AXL: variants seen among roughly 807,000 people sequenced by gnomAD.
AXL encodes the protein tyrosine-protein kinase receptor UFO.
AXL carries 52 observed loss-of-function variants against 104.5 expected under a neutral mutation model. That is an observed-to-expected ratio of 0.50 (90% confidence interval 0.40 to 0.63). The LOEUF (loss-of-function observed/expected upper bound fraction) is 0.63. Ranked by LOEUF, AXL falls within the 20% of genes least tolerant of loss-of-function variation. The probability of loss-of-function intolerance (pLI) is 0.00; values close to 1 mark genes in which losing one functional copy is unlikely to be tolerated. For missense variants in AXL, 1,024 were observed against 1,188.5 expected (o/e 0.86, Z 2.04); for synonymous variants, 455 against 473.7 (o/e 0.96, Z 0.51).
At position 41,231,858 on chromosome 19, in the gene AXL, C is replaced by T. The variant is rs1054433099; in HGVS notation, c.783+560C>T. Among the ~76,000 whole-genome samples, 15 of 149,904 alleles carry T rather than the reference C, an allele frequency of 1.0e-4. 1 individual carries two copies. Among genetic ancestry groups the T allele is most frequent in the Admixed American group, 9.4e-4 (14 of 14,928 alleles). On this transcript the variant is annotated intron_variant, in intron 6 of 19. Transcript: ENST00000301178. ...AGGAGAATTGCTTGAACCTGGGAGG[C>T]GGAGGTTGCAGTGAGCCAAGATCGT... is the stretch of plus-strand genomic sequence containing the variant.
intron 7 of AXL, 146 bp from the exon 8 acceptor site, chr19:41,238,324 T>G: frequency 1.4e-6 from 2 of 1,466,134 alleles, no homozygotes; most frequent in Non-Finnish European, 9.3e-7. Context: ...CTCCCAGCCC[T>G]TCTCTCCCCT....
Position 41,261,341 on chromosome 19 carries a change from T to G in AXL, c.*1437T>G, listed in dbSNP as rs1335100332. Reference sequence around the variant, plus strand: ...TTTCTAATGTTGGACACCTTTAGGTTCTTTGCTGCATTCTGCCTCTCTAGG... The same window carrying G: ...TTTCTAATGTTGGACACCTTTAGGTGCTTTGCTGCATTCTGCCTCTCTAGG... On this transcript the variant is annotated 3_prime_UTR_variant, in exon 20 of 20. Coordinates refer to ENST00000301178, the MANE Select transcript of AXL (RefSeq NM_021913.5). 2 of 152,658 alleles carry G rather than the reference T, an allele frequency of 1.3e-5. No individual in the cohort carries two copies. Among genetic ancestry groups the G allele is most frequent in the African/African-American group, 4.8e-5 (2 of 41,446 alleles). The allele number at this position is 152,658 out of a possible 1,614,324, so 9.5% of individuals were successfully genotyped here.
Position 41,259,890 on chromosome 19 carries a change from G to A in AXL, c.2671G>A (p.Glu891Lys). 1 of 1,580,228 alleles carries A rather than the reference G, an allele frequency of 6.3e-7. No individual in the cohort carries two copies. Among genetic ancestry groups the A allele is most frequent in the East Asian group, 2.2e-5 (1 of 44,462 alleles). Residue 891 changes from glutamate to lysine, a missense_variant, in exon 20 of 20, where the codon GAG becomes AAG. By Grantham distance (56) the Glu-to-Lys change is moderately conservative. Coordinates refer to ENST00000301178, the MANE Select transcript of AXL (RefSeq NM_021913.5). ...GGGCTCCCCAGCAGCCCCAGGGCAGGAGGATGGTGCCTGAGACAACCCTCC... is the reference window on the plus strand; with the variant it reads ...GGGCTCCCCAGCAGCCCCAGGGCAGAAGGATGGTGCCTGAGACAACCCTCC... ...DRGSPAAPGQEDGA is the reference protein window; with the variant it reads ...DRGSPAAPGQKDGA
intron 6 of AXL, among the ~76,000 whole-genome samples, chr19:41,236,522 T>C (rs2034082349): frequency 6.6e-6 from 1 of 151,708 alleles, no homozygotes. Flanking sequence ...GGCTCACACC[T>C]GTAATCCCAG....
intron 5 of AXL, 48 bp downstream of exon 5, chr19:41,231,095 GGGT>G (rs2033979231): frequency 6.2e-7 from 1 of 1,612,066 alleles, no homozygotes; most frequent in Admixed American, 1.7e-5. Flanking sequence ...GGTGGGGTTT[GGGT>G]CCGGGGTCAG....
chr19:41,239,428 C>G, intron 9 of AXL, 114 bp downstream of exon 9: 1 of 1,438,314 alleles, frequency 7.0e-7, no homozygotes, highest in Non-Finnish European at 9.4e-7. Context: ...CTACCCTGAG[C>G]CTTACTGAGA....
intron 15 of AXL, 124 bp from the exon 16 acceptor site, chr19:41,252,721 AC>A: frequency 1.3e-6 from 2 of 1,510,580 alleles, no homozygotes; most frequent in East Asian, 2.3e-5. Context: ...CACTGCCACT[AC>A]CCCCAAACAA....
intron 10 of AXL, 98 bp downstream of exon 10, chr19:41,239,818 C>A: frequency 6.6e-7 from 1 of 1,511,862 alleles, no homozygotes; most frequent in Non-Finnish European, 9.2e-7. Flanking sequence ...TTTCATGTTT[C>A]TCTAACTCAT....
intron 12 of AXL, among the ~76,000 whole-genome samples, chr19:41,247,672 C>T (rs778134062): frequency 6.6e-6 from 1 of 151,154 alleles, no homozygotes; most frequent in Non-Finnish European, 1.5e-5. Context: ...GCAGCCTCCA[C>T]CCCTGGGCTC....
intron 3 of AXL, 199 bp downstream of exon 3, chr19:41,221,445 T>C: frequency 1.8e-6 from 1 of 557,896 alleles, no homozygotes; most frequent in South Asian, 2.4e-5. Flanking sequence ...GTGCCAAGGC[T>C]GGGGGATTAT....
intron 17 of AXL, among the ~76,000 whole-genome samples, chr19:41,256,080 GGT>G (rs71177704): frequency 3.1e-4 from 47 of 150,520 alleles, no homozygotes; most frequent in African/African-American, 9.0e-4. Flanking sequence ...TGGTTACATG[GGT>G]GTGTGTGTGT....
chr19:41,256,833 A>G (rs1042311139), intron 18 of AXL, among the ~76,000 whole-genome samples: 4 of 152,196 alleles, frequency 2.6e-5, no homozygotes, highest in Non-Finnish European at 5.9e-5. Context: ...TGTGCATGGT[A>G]GCAATGTAGA....
At chr19:41,226,910 G>C in intron 4 of AXL, 1 of 539,766 alleles carries the variant, frequency 1.9e-6, no homozygotes, top group Non-Finnish European at 2.4e-6. Context: ...CCTGGGCAAC[G>C]TGGTGAGACT....
chr19:41,238,032 C>G lies in AXL; in HGVS notation c.872C>G (p.Pro291Arg), dbSNP rs758164020. ...EPLTSQASVP[P>R]HQLRLGSLHP... ...CTCACCTCGCAAGCATCCGTGCCCCCCCATCAGCTTCGGCTAGGCAGCCTC... is the reference window on the plus strand; with the variant it reads ...CTCACCTCGCAAGCATCCGTGCCCCGCCATCAGCTTCGGCTAGGCAGCCTC... Residue 291 changes from proline (P) to arginine (R), a missense_variant, in exon 7 of 20, where the codon CCC (proline) becomes CGC (arginine). Transcript: ENST00000301178. 3.7e-6 allele frequency: 6 copies of G among 1,614,010 alleles called. No homozygotes were observed. The highest frequency in any genetic ancestry group is 3.3e-5 in the Admixed American group (2 of 59,990).
intron 5 of AXL, 32 bp from the exon 6 acceptor site, chr19:41,231,151 C>T (rs746497465): frequency 2.5e-6 from 4 of 1,610,314 alleles, no homozygotes; most frequent in Non-Finnish European, 3.4e-6. Flanking sequence ...AGCAAAGGCT[C>T]CCCAGGGTCA....
chr19:41,239,802 C>T (rs1224584066), intron 10 of AXL, 82 bp downstream of exon 10: 1 of 1,538,892 alleles, frequency 6.5e-7, no homozygotes, highest in Non-Finnish European at 9.0e-7. Flanking sequence ...ACTCATTGCA[C>T]ATCCCTTTCA....
intron 10 of AXL, 59 bp downstream of exon 10, chr19:41,239,779 T>A: frequency 6.3e-7 from 1 of 1,587,254 alleles, no homozygotes; most frequent in South Asian, 1.1e-5. Flanking sequence ...GTGGGGGCAC[T>A]GTCACCATGC....
chr19:41,226,124 G>C (rs1369495830), intron 4 of AXL, among the ~76,000 whole-genome samples: 1 of 152,250 alleles, frequency 6.6e-6, no homozygotes, highest in Non-Finnish European at 1.5e-5. Flanking sequence ...CCTGGGAAGG[G>C]GGATCCCGGC....
chr19:41,250,837 C>T (rs908308258), intron 14 of AXL, among the ~76,000 whole-genome samples: 3 of 152,170 alleles, frequency 2.0e-5, no homozygotes, highest in African/African-American at 7.2e-5. Context: ...CTCTGAGGCT[C>T]AAGCGATCCT....
Sources: gnomAD v4.1 joint callset for allele counts (sites outside exome capture counted in the v4.1 genomes callset) on GRCh38, gnomAD v4.1.1 for gene constraint, MANE v1.5 for transcripts, NCBI Gene and HGNC (gene_info 2026-07-23, HGNC 2026-07-21) for gene names.